RALYL: variants seen among roughly 807,000 people sequenced by gnomAD.
The protein encoded by RALYL is RALY RNA binding protein like.
In RALYL, 29 loss-of-function variants were observed where a neutral mutation model predicts 35.1. The observed-to-expected ratio is 0.83, with a 90% CI of 0.61 to 1.13. RALYL has a LOEUF of 1.13. Among genes scored for constraint, RALYL ranks in the 50% most tolerant of loss-of-function variants. The pLI is 0.00. For synonymous variants in RALYL, 120 were observed against 127.6 expected (o/e 0.94, Z 0.40); for missense variants, 359 against 360.4 (o/e 1.00, Z 0.03).
chr8:84,742,346 T>TA, intron 2 of RALYL, among the ~76,000 whole-genome samples: 1 of 152,092 alleles, frequency 6.6e-6, no homozygotes, highest in Non-Finnish European at 1.5e-5. Flanking sequence ...TTTTTACCTA[T>TA]AAAAAAGCTA....
At position 84,343,458 on chromosome 8, in the gene RALYL, A is replaced by G. The variant is rs80305780; in HGVS notation, c.-24+159034A>G. 5.7e-3 allele frequency among the ~76,000 whole-genome samples: 861 copies of G among 152,192 alleles called. 27 individuals are homozygous for G. In the East Asian group the frequency reaches 0.082, roughly 15 times the overall value. ...TACAAAATTGAAAAACTGGAAGGCT[A>G]AACAAAATAAGCCGTCTTATATTTT... On this transcript the variant is annotated intron_variant, in intron 1 of 8. Coordinates refer to ENST00000521268, the MANE Select transcript of RALYL (RefSeq NM_173848.7).
Position 84,904,194 on chromosome 8 carries a change from C to T in RALYL, c.858+16418C>T, listed in dbSNP as rs370728272. Among the ~76,000 whole-genome samples, 88 of 152,146 alleles carry T rather than the reference C, an allele frequency of 5.8e-4. 1 individual carries two copies. The highest frequency in any genetic ancestry group is 3.3e-3 in the South Asian group (16 of 4,820). ...ATTTTTACTTCAGTGCCCATTGTTA[C>T]GCCTCATTGTTATTTAAATTCAGAC... On this transcript the variant is annotated intron_variant, in intron 8 of 8. Coordinates refer to ENST00000521268, the MANE Select transcript of RALYL (RefSeq NM_173848.7).
In RALYL at chr8:84,411,001, A is replaced by G. The variant is rs562369115; in HGVS notation, c.-23-118298A>G. On this transcript the variant is annotated intron_variant, in intron 1 of 8. Transcript: ENST00000521268. ...TCTTCTTTCAAAAGCACCCAAGATCAATAAATAATCTTGATTTAGGAAATA... is the reference window on the plus strand; with the variant it reads ...TCTTCTTTCAAAAGCACCCAAGATCGATAAATAATCTTGATTTAGGAAATA... 5.9e-5 allele frequency among the ~76,000 whole-genome samples: 9 copies of G among 152,006 alleles called. 1 individual carries two copies. The highest frequency in any genetic ancestry group is 5.9e-4 in the Admixed American group (9 of 15,256).
At chr8:84,807,678 C>T (rs2134050213) in intron 4 of RALYL, among the ~76,000 whole-genome samples, 1 of 152,216 alleles carries the variant, frequency 6.6e-6, no homozygotes, top group African/African-American at 2.4e-5. Flanking sequence ...CCACCATCTA[C>T]TGTTTTTTGA....
chr8:84,887,665 G>A lies in RALYL; in HGVS notation c.747G>A (p.Glu249=). The A allele has an allele frequency of 1.2e-6, 2 of 1,613,782 alleles. No individual in the cohort carries two copies. Among genetic ancestry groups the A allele is most frequent in the Non-Finnish European group, 1.7e-6 (2 of 1,179,776 alleles). ...LVLIQEECVS[E]IADHSTEEPA... ...TGATCCAAGAGGAATGTGTGTCAGA[G>A]ATTGCAGATCACTCTACAGAGGAGC... The change falls in exon 8 of 9, where the codon GAG becomes GAA. Residue 249 remains glutamate (E), a synonymous_variant. Coordinates refer to ENST00000521268, the MANE Select transcript of RALYL (RefSeq NM_173848.7).
intron 1 of RALYL, among the ~76,000 whole-genome samples, chr8:84,277,482 A>AT (rs1192653724): frequency 6.6e-6 from 1 of 152,110 alleles, no homozygotes; most frequent in Non-Finnish European, 1.5e-5. Flanking sequence ...ATATCCTCAC[A>AT]TTTCAAAACC....
intron 1 of RALYL, among the ~76,000 whole-genome samples, chr8:84,453,838 G>A (rs1203969098): frequency 6.6e-6 from 1 of 151,986 alleles, no homozygotes; most frequent in Non-Finnish European, 1.5e-5. Flanking sequence ...GGTAGAAGCA[G>A]AGAAAGAATA....
intron 2 of RALYL, among the ~76,000 whole-genome samples, chr8:84,701,908 A>G (rs963163224): frequency 6.6e-6 from 1 of 152,150 alleles, no homozygotes. Context: ...TTCACCTCAC[A>G]TGGCATGTTA....
rs915167632 is a variant in RALYL at position 84,370,098 on chromosome 8, T to G, written c.-23-159201T>G. On this transcript the variant is annotated intron_variant, in intron 1 of 8. Transcript: ENST00000521268. ...ACACAGCCACGTAAATTTTGAATAA[T>G]TTTAGTCCTTGCACCATTTTGTTTC... Among the ~76,000 whole-genome samples, 4 of 152,144 alleles carry G rather than the reference T, an allele frequency of 2.6e-5. No homozygotes were observed. The East Asian group carries it at 7.7e-4, about 29-fold the overall frequency.
chr8:84,363,187 T>C (rs189220225), intron 1 of RALYL, among the ~76,000 whole-genome samples: 1 of 152,228 alleles, frequency 6.6e-6, no homozygotes, highest in East Asian at 1.9e-4. Context: ...CAAGAAACCT[T>C]GAGAAAATAC....
chr8:84,285,442 A>G lies in RALYL; in HGVS notation c.-24+101018A>G, dbSNP rs186809747. ...ACATCTTCCAATTTTTTAAGATACT[A>G]AGCCTAAGGACAAACATATTAATGG... On this transcript the variant is annotated intron_variant, in intron 1 of 8. Transcript: ENST00000521268. 1.6e-4 allele frequency among the ~76,000 whole-genome samples: 24 copies of G among 152,328 alleles called. No homozygotes were observed. In the East Asian group the frequency reaches 4.0e-3, roughly 26 times the overall value.
intron 8 of RALYL, among the ~76,000 whole-genome samples, chr8:84,902,062 A>G (rs930801292): frequency 3.3e-5 from 5 of 152,182 alleles, no homozygotes; most frequent in Admixed American, 6.5e-5. Flanking sequence ...TTGACTCACA[A>G]TCTTGGAGAT....
intron 1 of RALYL, among the ~76,000 whole-genome samples, chr8:84,460,371 A>G (rs2133371761): frequency 6.6e-6 from 1 of 151,854 alleles, no homozygotes; most frequent in South Asian, 2.1e-4. Flanking sequence ...TGCAAAGTGA[A>G]GGCTGTACAG....
At chr8:84,311,476 G>C (rs975356501) in intron 1 of RALYL, among the ~76,000 whole-genome samples, 7 of 152,062 alleles carry the variant, frequency 4.6e-5, no homozygotes, top group African/African-American at 1.7e-4. Flanking sequence ...CATAGAATGG[G>C]AGAGAAGACT....
chr8:84,491,155 C>A (rs1013147086), intron 1 of RALYL, among the ~76,000 whole-genome samples: 15 of 151,954 alleles, frequency 9.9e-5, no homozygotes, highest in African/African-American at 3.4e-4. Flanking sequence ...TTTGAAATTT[C>A]AATGCAAAAA....
At chr8:84,860,908 T>G (rs946125691) in intron 5 of RALYL, among the ~76,000 whole-genome samples, 3 of 152,214 alleles carry the variant, frequency 2.0e-5, no homozygotes, top group Non-Finnish European at 4.4e-5. Flanking sequence ...CACCTCACAG[T>G]ATAATAGTTT....
intron 2 of RALYL, among the ~76,000 whole-genome samples, chr8:84,747,650 C>T (rs922228456): frequency 3.3e-5 from 5 of 151,812 alleles, no homozygotes; most frequent in Non-Finnish European, 7.4e-5. Context: ...CTTCAGATAA[C>T]TCAAATAAAC....
At chr8:84,433,773 C>A (rs755896465) in intron 1 of RALYL, among the ~76,000 whole-genome samples, 1 of 151,314 alleles carries the variant, frequency 6.6e-6, no homozygotes, top group Non-Finnish European at 1.5e-5. Context: ...TCTTTATCAG[C>A]AGCATGATAA....
chr8:84,427,618 C>T (rs2046641801), intron 1 of RALYL, among the ~76,000 whole-genome samples: 1 of 152,066 alleles, frequency 6.6e-6, no homozygotes, highest in African/African-American at 2.4e-5. Context: ...GTGCCTTAGC[C>T]ATATGTATTA....
Sources: allele counts gnomAD v4.1 joint callset (sites outside exome capture counted in the v4.1 genomes callset), GRCh38; gene constraint gnomAD v4.1.1; transcripts MANE v1.5; gene names NCBI Gene and HGNC (gene_info 2026-07-23, HGNC 2026-07-21).